Variants in ADGRB1 observed in about 807,000 individuals in gnomAD.
ADGRB1 encodes adhesion G protein-coupled receptor B1.
ADGRB1 carries 36 observed loss-of-function variants against 175.7 expected under a neutral mutation model. That is an observed-to-expected ratio of 0.20 (90% CI 0.16 to 0.27). ADGRB1 has a LOEUF of 0.27. Among genes scored for constraint, ADGRB1 ranks in the 10% least tolerant of loss-of-function variants. The pLI, the probability that ADGRB1 is intolerant of heterozygous loss-of-function variation, is 1.00. For missense variants in ADGRB1, 1,731 were observed against 2,255.3 expected (o/e 0.77, Z 4.71); for synonymous variants, 1,054 against 979.4 (o/e 1.08, Z -1.42).
rs7386358 is a variant in ADGRB1 at position 142,504,037 on chromosome 8, G to A, written c.2676-6895G>A. Among the ~76,000 whole-genome samples the A allele has an allele frequency of 0.73, 110,466 of 152,114 alleles. 40,372 individuals carry two copies. Among genetic ancestry groups the A allele is most frequent in the East Asian group, 0.81 (4,150 of 5,148 alleles). ...GCACCAAGCCTGAGCAGGCTCCAGC[G>A]TCATCTGGCAAGCTGGGTTCAGTAA... On this transcript the variant is annotated intron_variant, in intron 17 of 30. Coordinates refer to ENST00000517894, the MANE Select transcript of ADGRB1 (RefSeq NM_001702.3). This position sits in a 1 kb window ranked among gnomAD's most constrained non-coding sequence, Gnocchi z 5.6.
At chr8:142,528,275 A>G (rs771069316) in intron 24 of ADGRB1, among the ~76,000 whole-genome samples, 7 of 152,190 alleles carry the variant, frequency 4.6e-5, no homozygotes, top group Non-Finnish European at 8.8e-5. Flanking sequence ...CTTTGTGCAG[A>G]CGGAGGCAGG....
chr8:142,529,836 ATGTG>A (rs771158768), intron 24 of ADGRB1, among the ~76,000 whole-genome samples: 14 of 145,814 alleles, frequency 9.6e-5, no homozygotes, highest in African/African-American at 2.6e-4. Flanking sequence ...CGGTGTGTGT[ATGTG>A]TGAGTGTGCA....
intron 17 of ADGRB1, among the ~76,000 whole-genome samples, chr8:142,506,837 A>C (rs893451300): frequency 9.2e-5 from 14 of 152,194 alleles, no homozygotes; most frequent in African/African-American, 3.1e-4. Context: ...CTGTCCTGCT[A>C]AAGGCCAGTC....
chr8:142,533,183 A>C (rs752739540), intron 24 of ADGRB1, 112 bp from the exon 25 acceptor site: 4 of 1,208,874 alleles, frequency 3.3e-6, no homozygotes, highest in Non-Finnish European at 4.4e-6. Context: ...CCAGAGACAG[A>C]GACGGGGACT....
At chr8:142,498,087 AC>A (rs1842308718) in intron 17 of ADGRB1, among the ~76,000 whole-genome samples, 1 of 151,696 alleles carries the variant, frequency 6.6e-6, no homozygotes, top group South Asian at 2.1e-4. Context: ...GAACTCTGGG[AC>A]CCCATCTGTC....
chr8:142,459,555 C>T (rs982087757), intron 1 of ADGRB1, among the ~76,000 whole-genome samples: 4 of 152,318 alleles, frequency 2.6e-5, no homozygotes, highest in Middle Eastern at 3.4e-3. Context: ...TCTCTGTCCC[C>T]GCTGCCCTCA....
At chr8:142,526,323 C>T (rs905653646) in intron 23 of ADGRB1, among the ~76,000 whole-genome samples, 4 of 152,160 alleles carry the variant, frequency 2.6e-5, no homozygotes, top group African/African-American at 4.8e-5. Context: ...GCCGACGGTG[C>T]GGGTGACACA....
At chr8:142,518,092 C>T (rs988052089) in intron 18 of ADGRB1, 46 bp from the exon 19 acceptor site, 17 of 1,576,628 alleles carry the variant, frequency 1.1e-5, no homozygotes, top group South Asian at 3.3e-5. Context: ...GCCGAGTGGG[C>T]GAGTGGGGTG....
chr8:142,515,016 GA>G (rs1274314211), intron 18 of ADGRB1, among the ~76,000 whole-genome samples: 1 of 152,162 alleles, frequency 6.6e-6, no homozygotes, highest in Non-Finnish European at 1.5e-5. Flanking sequence ...TAGGGTTCAG[GA>G]GAAGATTGGG....
intron 24 of ADGRB1, among the ~76,000 whole-genome samples, chr8:142,526,953 G>A (rs539870814): frequency 6.6e-6 from 1 of 152,276 alleles, no homozygotes; most frequent in South Asian, 2.1e-4. Context: ...GCTGGGTGCT[G>A]GGGGTCCCTG....
rs1321157667 is a variant in ADGRB1, at chr8:142,455,182, C to T, written c.-220+5078C>T. ...TGCCGCCGGCACCACACTGCACCAT[C>T]ATTCCTATCTGACCCCACCTCCATC... On this transcript the variant is annotated intron_variant, in intron 1 of 30. Coordinates refer to ENST00000517894, the MANE Select transcript of ADGRB1 (RefSeq NM_001702.3). This position sits in a 1 kb window ranked among gnomAD's most constrained non-coding sequence, Gnocchi z 4.9. Among the ~76,000 whole-genome samples, 1 of 150,616 alleles carries T rather than the reference C, an allele frequency of 6.6e-6. No homozygotes were observed. The highest frequency in any genetic ancestry group is 1.5e-5 in the Non-Finnish European group (1 of 67,652).
chr8:142,474,940 T>C lies in ADGRB1; in HGVS notation c.785-534T>C, dbSNP rs1840869768. On this transcript the variant is annotated intron_variant, in intron 2 of 30. Coordinates refer to ENST00000517894, the MANE Select transcript of ADGRB1 (RefSeq NM_001702.3). This position sits in a 1 kb window ranked among gnomAD's most constrained non-coding sequence, Gnocchi z 5.8. ...GGTGTGAGGCCTTGATCACCACTGG[T>C]ATACCTGCGTGGGGTGAAGAAGCGG... Among the ~76,000 whole-genome samples the C allele has an allele frequency of 6.6e-6, 1 of 152,022 alleles. No individual in the cohort carries two copies. The highest frequency in any genetic ancestry group is 6.5e-5 in the Admixed American group (1 of 15,282).
chr8:142,472,666 C>G (rs1420346980), intron 2 of ADGRB1, among the ~76,000 whole-genome samples: 2 of 152,322 alleles, frequency 1.3e-5, no homozygotes, highest in East Asian at 3.9e-4. Flanking sequence ...CTACCATTTT[C>G]TCAGTGTTCA....
chr8:142,542,514 C>T lies in ADGRB1; in HGVS notation c.4280C>T (p.Pro1427Leu). 1 of 1,455,054 alleles carries T rather than the reference C, an allele frequency of 6.9e-7. No individual in the cohort carries two copies. Among genetic ancestry groups the T allele is most frequent in the Non-Finnish European group, 9.1e-7 (1 of 1,103,134 alleles). 90.1% of individuals were successfully genotyped at this position (1,455,054 alleles called of 1,614,324 possible). A position where few individuals can be genotyped will look rare whatever the true frequency, so the allele number is the denominator to read the frequency against. The change falls in exon 28 of 31, where the codon CCC (proline) becomes CTC (leucine). Residue 1427 changes from proline to leucine, a missense_variant. Transcript: ENST00000517894. The surrounding 1 kb of genome is among the most constrained non-coding windows in gnomAD (Gnocchi z 6.3). ...PPPPPPQQPL[P>L]PPPNLEPAPP... Reference sequence around the variant, plus strand: ...CCACCACCTCCCCAGCAGCCCCTGCCCCCACCGCCCAATCTGGAGCCGGCA... The same window carrying T: ...CCACCACCTCCCCAGCAGCCCCTGCTCCCACCGCCCAATCTGGAGCCGGCA...
chr8:142,515,098 G>A (rs1843338768), intron 18 of ADGRB1, among the ~76,000 whole-genome samples: 1 of 152,132 alleles, frequency 6.6e-6, no homozygotes, highest in Admixed American at 6.5e-5. Context: ...GGTGGGAGGG[G>A]GCCGGCTGGT....
At position 142,464,465 on chromosome 8, in the gene ADGRB1, G is replaced by T. The variant is rs780978178; in HGVS notation, c.267G>T (p.Ala89=). ...CTCTCTACATGAAGGTGGCCAAGGC[G>T]CCCGTGCCCTGCAGCGGCCCCGGCC... The part of the protein sequence containing the change: ...RYTLYMKVAK[A]PVPCSGPGRV... The change falls in exon 2 of 31, where the codon GCG becomes GCT. Residue 89 remains alanine, a synonymous_variant. Transcript: ENST00000517894. 3.2e-6 allele frequency: 5 copies of T among 1,580,072 alleles called. No homozygotes were observed. The highest frequency in any genetic ancestry group is 1.2e-5 in the South Asian group (1 of 86,542).
intron 2 of ADGRB1, among the ~76,000 whole-genome samples, chr8:142,473,191 C>T (rs1233973141): frequency 1.3e-5 from 2 of 152,330 alleles, no homozygotes; most frequent in Middle Eastern, 3.4e-3. Context: ...GACACCCTCT[C>T]TCTCCCGCCC....
chr8:142,541,291 C>T (rs1845257026), intron 27 of ADGRB1, among the ~76,000 whole-genome samples: 1 of 152,134 alleles, frequency 6.6e-6, no homozygotes, highest in Non-Finnish European at 1.5e-5. Flanking sequence ...CAAACTGGAG[C>T]CCCACTCAGA....
At chr8:142,520,779 G>C (rs1421714324) in intron 19 of ADGRB1, 44 bp from the exon 20 acceptor site, 1 of 1,543,946 alleles carries the variant, frequency 6.5e-7, no homozygotes, top group Non-Finnish European at 9.0e-7. Context: ...TGTGCAGATG[G>C]GGTTCTGTTG....
Sources: gnomAD v4.1 joint callset for allele counts (sites outside exome capture counted in the v4.1 genomes callset) on GRCh38, gnomAD v4.1.1 for gene constraint, Gnocchi (gnomAD v3.1) non-coding constraint, MANE v1.5 for transcripts, NCBI Gene and HGNC (gene_info 2026-07-23, HGNC 2026-07-21) for gene names.